The following TMEM100 variants were observed in gnomAD, a reference collection of about 807,000 sequenced individuals.
The protein encoded by TMEM100 is transmembrane protein 100.
For synonymous variants in TMEM100, 61 were observed against 67.1 expected (o/e 0.91, Z 0.44); for missense variants, 137 against 168.2 (o/e 0.81, Z 1.02).
chr17:55,725,905 C>A (rs1411020024), upstream of TMEM100, among the ~76,000 whole-genome samples: 1 of 152,120 alleles, frequency 6.6e-6, no homozygotes, highest in South Asian at 2.1e-4. Context: ...TCAGAACCTG[C>A]AGAAAAGAAT....
In TMEM100 at chr17:55,720,501, T is replaced by G; in HGVS notation, c.*165A>C. 5 of 861,472 alleles carry G rather than the reference T, an allele frequency of 5.8e-6. No homozygotes were observed. The highest frequency in any genetic ancestry group is 8.7e-6 in the Non-Finnish European group (5 of 572,668). The allele number at this position is 861,472 out of a possible 1,614,324, so 53.4% of individuals were successfully genotyped here. ...GTTAAGTTTGTCGTTAAAGAAGACA[T>G]GAGTCATTCCTCACAAAGGAGAAGC... On this transcript the variant is annotated 3_prime_UTR_variant, in exon 2 of 2. Coordinates refer to ENST00000424486, the MANE Select transcript of TMEM100 (RefSeq NM_018286.3).
At position 55,720,717 on chromosome 17, in the gene TMEM100, T is replaced by A; in HGVS notation, c.354A>T (p.Arg118Ser). 6.2e-7 allele frequency: 1 copy of A among 1,614,082 alleles called. No homozygotes were observed. Among genetic ancestry groups the A allele is most frequent in the East Asian group, 2.2e-5 (1 of 44,890 alleles). ...KVRQRSKKAK[R>S]RESQTALVAN... is the part of the protein sequence containing the mutation. The stretch of plus-strand genomic sequence containing the variant: ...CCACGAGAGCTGTTTGACTCTCCCG[T>A]CTCTTGGCTTTCTTGCTCCTTTGTC... The change falls in exon 2 of 2, where the codon AGA becomes AGT. Residue 118 changes from arginine to serine, a missense_variant. Arg to Ser is a moderately radical substitution (Grantham distance 110, BLOSUM62 -1). Transcript: ENST00000424486.
chr17:55,730,801 A>T (rs1909186301), intron 1 of TMEM100, among the ~76,000 whole-genome samples: 1 of 152,212 alleles, frequency 6.6e-6, no homozygotes, highest in Non-Finnish European at 1.5e-5. Context: ...AACTTATCTT[A>T]TGGAACAATG....
At chr17:55,726,203 T>C (rs990527985), upstream of TMEM100, among the ~76,000 whole-genome samples, 1 of 152,180 alleles carries the variant, frequency 6.6e-6, no homozygotes, top group Non-Finnish European at 1.5e-5. Flanking sequence ...ACCAAAGGCA[T>C]TGTAAACGGC....
chr17:55,730,986 G>A (rs1053880336), intron 1 of TMEM100, among the ~76,000 whole-genome samples: 2 of 152,132 alleles, frequency 1.3e-5, no homozygotes, highest in African/African-American at 4.8e-5. Flanking sequence ...ATGATCCCCA[G>A]AGAGTACACA....
At chr17:55,729,825 C>G (rs76091059) in intron 1 of TMEM100, among the ~76,000 whole-genome samples, 3,602 of 152,198 alleles carry the variant, frequency 0.024, 244 homozygotes, top group East Asian at 0.23. Flanking sequence ...AAGAACATAA[C>G]TATGCAATTC....
upstream of TMEM100, among the ~76,000 whole-genome samples, chr17:55,723,743 T>A (rs1908984372): frequency 6.6e-6 from 1 of 152,220 alleles, no homozygotes; most frequent in African/African-American, 2.4e-5. Context: ...TCAGTAAGTC[T>A]GTAACAAGCT....
intron 1 of TMEM100, chr17:55,728,014 A>G (rs971134823): frequency 1.3e-5 from 2 of 152,230 alleles, no homozygotes; most frequent in Admixed American, 6.5e-5. Flanking sequence ...AAAAAAAGAA[A>G]TGGAGGTTCA....
upstream of TMEM100, among the ~76,000 whole-genome samples, chr17:55,725,382 T>A (rs1011705055): frequency 6.6e-6 from 1 of 152,184 alleles, no homozygotes; most frequent in Non-Finnish European, 1.5e-5. Flanking sequence ...TTTGGAGAAC[T>A]TTTCTCAAAG....
upstream of TMEM100, among the ~76,000 whole-genome samples, chr17:55,724,706 T>G (rs1402925654): frequency 6.6e-6 from 1 of 152,204 alleles, no homozygotes; most frequent in Non-Finnish European, 1.5e-5. Flanking sequence ...GAATATCACC[T>G]TATTCTGTTG....
In TMEM100 at chr17:55,720,024, A is replaced by G. The variant is rs1908811549; in HGVS notation, c.*642T>C. On this transcript the variant is annotated 3_prime_UTR_variant, in exon 2 of 2. Transcript: ENST00000424486. Reference sequence around the variant, plus strand: ...TATTTTACTATTAATTTAACCCCCAACAGCATCTATTAGCTATAACTTTAA... The same window carrying G: ...TATTTTACTATTAATTTAACCCCCAGCAGCATCTATTAGCTATAACTTTAA... The G allele has an allele frequency of 6.6e-6, 1 of 152,626 alleles. No individual in the cohort carries two copies. Among genetic ancestry groups the G allele is most frequent in the South Asian group, 2.1e-4 (1 of 4,826 alleles). The allele number at this position is 152,626 out of a possible 1,614,324, so 9.5% of individuals were successfully genotyped here. A position where few individuals can be genotyped will look rare whatever the true frequency, so the allele number is the denominator to read the frequency against.
Position 55,720,528 on chromosome 17 carries a change from C to A in TMEM100, c.*138G>T. The stretch of plus-strand genomic sequence containing the variant: ...AGTCATTCCTCACAAAGGAGAAGCC[C>A]CTCCACCCTCCCACCCCCATTCTTC... On this transcript the variant is annotated 3_prime_UTR_variant, in exon 2 of 2. Coordinates refer to ENST00000424486, the MANE Select transcript of TMEM100 (RefSeq NM_018286.3). 1 of 988,060 alleles carries A rather than the reference C, an allele frequency of 1.0e-6. No homozygotes were observed. Among genetic ancestry groups the A allele is most frequent in the East Asian group, 2.5e-5 (1 of 40,556 alleles). 61.2% of individuals were successfully genotyped at this position (988,060 alleles called of 1,614,324 possible). A position where few individuals can be genotyped will look rare whatever the true frequency, so the allele number is the denominator to read the frequency against.
chr17:55,728,056 G>T (rs777032722), intron 1 of TMEM100: 19 of 152,186 alleles, frequency 1.2e-4, no homozygotes, highest in Non-Finnish European at 2.4e-4. Context: ...TTTAACTCCA[G>T]AACCTGGGCT....
chr17:55,728,487 T>A (rs1909126223), intron 1 of TMEM100, among the ~76,000 whole-genome samples: 1 of 152,178 alleles, frequency 6.6e-6, no homozygotes, highest in South Asian at 2.1e-4. Flanking sequence ...GGGACAGACA[T>A]AGGCCTGGTA....
At chr17:55,725,694 CAT>C (rs149123083), upstream of TMEM100, among the ~76,000 whole-genome samples, 32 of 117,822 alleles carry the variant, frequency 2.7e-4, no homozygotes, top group African/African-American at 9.2e-4. Flanking sequence ...AAATGTAACC[CAT>C]ATATATGTGT....
At chr17:55,724,288 T>C (rs113327337), upstream of TMEM100, among the ~76,000 whole-genome samples, 4 of 152,286 alleles carry the variant, frequency 2.6e-5, 1 homozygote, top group African/African-American at 9.6e-5. Context: ...CCAGAAGTTG[T>C]TTATTCTGGA....
upstream of TMEM100, among the ~76,000 whole-genome samples, chr17:55,726,319 G>T (rs1011558922): frequency 6.6e-6 from 1 of 152,080 alleles, no homozygotes; most frequent in South Asian, 2.1e-4. Flanking sequence ...TAGGGGAGAG[G>T]GGTCTGGGAG....
At chr17:55,728,956 T>G (rs1159656293) in intron 1 of TMEM100, among the ~76,000 whole-genome samples, 1 of 152,216 alleles carries the variant, frequency 6.6e-6, no homozygotes, top group African/African-American at 2.4e-5. Flanking sequence ...CAAAGAGCAC[T>G]GAGTAGCCTG....
Position 55,720,500 on chromosome 17 carries a change from A to C in TMEM100, c.*166T>G. 1.2e-6 allele frequency: 1 copy of C among 857,168 alleles called. No individual in the cohort carries two copies. The allele number at this position is 857,168 out of a possible 1,614,324, so 53.1% of individuals were successfully genotyped here. ...GGTTAAGTTTGTCGTTAAAGAAGAC[A>C]TGAGTCATTCCTCACAAAGGAGAAG... On this transcript the variant is annotated 3_prime_UTR_variant, in exon 2 of 2. Transcript: ENST00000424486.
Sources: gnomAD v4.1 joint callset for allele counts (sites outside exome capture counted in the v4.1 genomes callset) on GRCh38, gnomAD v4.1.1 for gene constraint, MANE v1.5 for transcripts, NCBI Gene and HGNC (gene_info 2026-07-23, HGNC 2026-07-21) for gene names.